Variants in DPP6 observed in about 807,000 individuals in gnomAD.
DPP6 encodes dipeptidyl peptidase like 6, also known as A-type potassium channel modulatory protein DPP6.
DPP6 carries 69 observed loss-of-function variants against 122.6 expected under a neutral mutation model. The observed-to-expected ratio is 0.56, with a 90% CI of 0.46 to 0.69. DPP6 has a LOEUF of 0.69. Among genes scored for constraint, DPP6 ranks in the 30% least tolerant of loss-of-function variants. The pLI, the probability that DPP6 is intolerant of heterozygous loss-of-function variation, is 0.00. For synonymous variants in DPP6, 418 were observed against 433.1 expected (o/e 0.97, Z 0.43); for missense variants, 928 against 1,116.9 (o/e 0.83, Z 2.41).
intron 7 of DPP6, among the ~76,000 whole-genome samples, chr7:154,716,693 A>AT (rs112122659): frequency 0.27 from 40,542 of 149,000 alleles, 8,714 homozygotes; most frequent in African/African-American, 0.6. Flanking sequence ...AAAAGAGAGC[A>AT]TTTTTTTTTT....
intron 1 of DPP6, among the ~76,000 whole-genome samples, chr7:154,441,384 C>G (rs1819359774): frequency 6.6e-6 from 1 of 152,146 alleles, no homozygotes; most frequent in Non-Finnish European, 1.5e-5. Flanking sequence ...TCTTGTGTTT[C>G]TATAATTTTT....
At chr7:154,293,933 A>T (rs1250335174) in intron 1 of DPP6, among the ~76,000 whole-genome samples, 1 of 152,162 alleles carries the variant, frequency 6.6e-6, no homozygotes, top group African/African-American at 2.4e-5. Context: ...TGCAAAGATG[A>T]ATAAGACCTT....
chr7:154,281,111 C>G (rs1804480978), intron 1 of DPP6, among the ~76,000 whole-genome samples: 1 of 151,930 alleles, frequency 6.6e-6, no homozygotes, highest in Non-Finnish European at 1.5e-5. Context: ...CTCCCAGGTT[C>G]AAGCAATTCT....
At chr7:154,167,337 T>C (rs1246080876) in intron 1 of DPP6, among the ~76,000 whole-genome samples, 2 of 152,338 alleles carry the variant, frequency 1.3e-5, no homozygotes, top group South Asian at 2.1e-4. Flanking sequence ...AGTGGTATTT[T>C]CTAGGAAGCC....
the DPP6 span, among the ~76,000 whole-genome samples, chr7:153,769,109 G>C: frequency 2.6e-5 from 4 of 152,122 alleles, no homozygotes; most frequent in African/African-American, 9.7e-5. Context: ...GATTTTCATA[G>C]GTTGGTCTTG....
At chr7:154,741,346 T>C (rs1842812496) in intron 8 of DPP6, among the ~76,000 whole-genome samples, 1 of 152,352 alleles carries the variant, frequency 6.6e-6, no homozygotes, top group Admixed American at 6.5e-5. Flanking sequence ...GTGAAGCCTC[T>C]GCATGCTGGC....
the DPP6 span, among the ~76,000 whole-genome samples, chr7:153,870,110 A>C: frequency 6.6e-6 from 1 of 152,076 alleles, no homozygotes; most frequent in Non-Finnish European, 1.5e-5. Flanking sequence ...AACTTTGGTG[A>C]ATCTGACAAT....
At chr7:153,773,121 G>C in the DPP6 span, among the ~76,000 whole-genome samples, 1 of 148,344 alleles carries the variant, frequency 6.7e-6, no homozygotes, top group African/African-American at 2.4e-5. Context: ...AATTTCTCCA[G>C]GGAGGTGTAA....
At chr7:154,446,579 T>G (rs1302615961) in intron 2 of DPP6, among the ~76,000 whole-genome samples, 2 of 152,234 alleles carry the variant, frequency 1.3e-5, no homozygotes. Flanking sequence ...CAATCACTTA[T>G]TCATGCTTGA....
chr7:154,128,264 TTAAATC>T (rs1198333423), intron 1 of DPP6, among the ~76,000 whole-genome samples: 2 of 151,820 alleles, frequency 1.3e-5, no homozygotes, highest in East Asian at 1.9e-4. Context: ...AAGTTTGACA[TTAAATC>T]TAAAACAAAA....
At chr7:154,741,857 G>A (rs538748717) in intron 8 of DPP6, among the ~76,000 whole-genome samples, 2 of 152,304 alleles carry the variant, frequency 1.3e-5, no homozygotes, top group East Asian at 1.9e-4. Context: ...CTCACCCACC[G>A]CCATGTGGCT....
chr7:154,633,142 A>G (rs189768602), intron 5 of DPP6, among the ~76,000 whole-genome samples: 2 of 152,342 alleles, frequency 1.3e-5, no homozygotes, highest in South Asian at 2.1e-4. Flanking sequence ...CTCTTAGAAA[A>G]ATAACTGAAA....
intron 16 of DPP6, among the ~76,000 whole-genome samples, chr7:154,842,339 G>A (rs1377325973): frequency 6.6e-6 from 1 of 152,222 alleles, no homozygotes; most frequent in Non-Finnish European, 1.5e-5. Flanking sequence ...ACGAGAGGAA[G>A]GGAGACAAGC....
chr7:154,646,045 A>AAAAAAAACAAAAAAAAAC (rs1554421912), intron 6 of DPP6, among the ~76,000 whole-genome samples: 1 of 147,568 alleles, frequency 6.8e-6, no homozygotes, highest in African/African-American at 2.6e-5. Flanking sequence ...AAAAAAAAAA[A>AAAAAAAACAAAAAAAAAC]GAAAATACTG....
At chr7:154,319,800 G>A (rs1041504103) in intron 1 of DPP6, among the ~76,000 whole-genome samples, 1 of 151,658 alleles carries the variant, frequency 6.6e-6, no homozygotes, top group African/African-American at 2.4e-5. Context: ...AGACCATCCT[G>A]GCCAACATGG....
chr7:154,889,228 C>A (rs749670845), intron 23 of DPP6, 44 bp from the exon 24 acceptor site: 2 of 1,593,702 alleles, frequency 1.3e-6, no homozygotes, highest in East Asian at 2.2e-5. Flanking sequence ...TGGCTCCCTG[C>A]AGTGCAGCCC....
intron 1 of DPP6, among the ~76,000 whole-genome samples, chr7:153,974,458 G>A (rs1033229964): frequency 4.7e-4 from 71 of 152,172 alleles, no homozygotes; most frequent in African/African-American, 1.6e-3. Context: ...ATCTCTTTCA[G>A]CTTTCAGAGC....
rs145862212 is a variant in DPP6, at chr7:154,216,616, A to G, written c.243+163553A>G. On this transcript the variant is annotated intron_variant, in intron 1 of 25. Transcript: ENST00000377770. ...AGGGTGTATGATGATCCTCTCTTCT[A>G]AAAGGCTCCCTTTCAAATTACAGAA... Among the ~76,000 whole-genome samples the G allele has an allele frequency of 3.5e-4, 53 of 152,266 alleles. No individual in the cohort carries two copies. In the East Asian group the frequency reaches 9.9e-3, roughly 28 times the overall value.
intron 5 of DPP6, among the ~76,000 whole-genome samples, chr7:154,577,312 G>GC (rs1186762235): frequency 6.6e-6 from 1 of 152,118 alleles, no homozygotes; most frequent in Non-Finnish European, 1.5e-5. Flanking sequence ...AAGAGAGGAA[G>GC]CCGAGACCCC....
Sources: allele counts gnomAD v4.1 joint callset (sites outside exome capture counted in the v4.1 genomes callset), GRCh38; gene constraint gnomAD v4.1.1; transcripts MANE v1.5; gene names NCBI Gene and HGNC (gene_info 2026-07-23, HGNC 2026-07-21).